Variants in ZMYM2 observed in about 807,000 individuals in gnomAD.
The protein encoded by ZMYM2 is zinc finger MYM-type protein 2.
ZMYM2 carries 56 observed loss-of-function variants against 162.8 expected under a neutral mutation model. The observed-to-expected ratio is 0.34, with a 90% confidence interval of 0.28 to 0.43. The LOEUF is 0.43. Among genes scored for constraint, ZMYM2 ranks in the 20% least tolerant of loss-of-function variants. The probability of loss-of-function intolerance (pLI) is 1.00; values close to 1 mark genes in which losing one functional copy is unlikely to be tolerated. For missense variants in ZMYM2, 1,275 were observed against 1,621.8 expected, an observed-to-expected ratio of 0.79 and a Z score of 3.67; for synonymous variants, 510 against 541.6, an observed-to-expected ratio of 0.94 and a Z score of 0.81.
chr13:20,052,402 A>C, intron 14 of ZMYM2, 91 bp downstream of exon 14: 1 of 1,286,884 alleles, frequency 7.8e-7, no homozygotes, highest in Non-Finnish European at 1.1e-6. Context: ...CATAATAGTA[A>C]TTTTTTTGGT....
At chr13:20,066,625 G>C (rs1221571895) in intron 19 of ZMYM2, 1 of 377,498 alleles carries the variant, frequency 2.6e-6, no homozygotes, top group Non-Finnish European at 4.7e-6. Context: ...AGGAAGAGGA[G>C]AGAGGTTGAT....
At chr13:19,970,872 C>T (rs1049343612) in intron 2 of ZMYM2, among the ~76,000 whole-genome samples, 2 of 151,938 alleles carry the variant, frequency 1.3e-5, no homozygotes, top group African/African-American at 2.4e-5. Context: ...TTGAGACCAG[C>T]GATGGATTAG....
At chr13:19,967,379 T>C (rs867704092) in intron 2 of ZMYM2, among the ~76,000 whole-genome samples, 5 of 152,032 alleles carry the variant, frequency 3.3e-5, no homozygotes, top group South Asian at 2.1e-4. Context: ...CGACTTAATT[T>C]TGCAGATTTT....
the ZMYM2 span, among the ~76,000 whole-genome samples, chr13:19,910,534 C>CTTTTTTTT: frequency 2.8e-4 from 42 of 147,702 alleles, no homozygotes; most frequent in African/African-American, 1.0e-3. Flanking sequence ...CTCTCTCTCT[C>CTTTTTTTT]TTTTTTTTTT....
At chr13:19,948,886 A>G in the ZMYM2 span, among the ~76,000 whole-genome samples, 1 of 152,226 alleles carries the variant, frequency 6.6e-6, no homozygotes, top group Admixed American at 6.5e-5. Context: ...TTATCCTTAC[A>G]TGCAAGGGTT....
intron 21 of ZMYM2, among the ~76,000 whole-genome samples, chr13:20,071,375 G>A (rs887501415): frequency 1.3e-5 from 2 of 152,232 alleles, no homozygotes; most frequent in East Asian, 1.9e-4. Context: ...ACGAAGCAGC[G>A]AAAGCAGAAA....
rs370355968 is a variant in ZMYM2, at chr13:19,981,302, CAAA to C, written c.-10-11752_-10-11750del. On this transcript the variant is annotated intron_variant, in intron 2 of 24. Coordinates refer to ENST00000610343, the MANE Select transcript of ZMYM2 (RefSeq NM_197968.4). Reference sequence around the variant, plus strand: ...ACAGAAAAAACAAAAAACAAACAAACAAAAAAAAAAACAAAAAACAAACCCCAA... The same window carrying C: ...ACAGAAAAAACAAAAAACAAACAAACAAAAAAAACAAAAAACAAACCCCAA... 3.2e-3 allele frequency among the ~76,000 whole-genome samples: 394 copies of C among 123,892 alleles called. 2 individuals are homozygous for C. The highest frequency in any genetic ancestry group is 0.014 in the African/African-American group (344 of 25,360). The allele number at this position is 123,892 out of a possible 152,430, so 81.3% of individuals were successfully genotyped here.
the ZMYM2 span, among the ~76,000 whole-genome samples, chr13:19,914,759 C>T: frequency 6.6e-6 from 1 of 152,112 alleles, no homozygotes; most frequent in African/African-American, 2.4e-5. Flanking sequence ...GTGATGGGTC[C>T]CTAATCATGG....
At chr13:19,899,546 G>A in the ZMYM2 span, among the ~76,000 whole-genome samples, 3 of 152,032 alleles carry the variant, frequency 2.0e-5, no homozygotes, top group African/African-American at 7.2e-5. Flanking sequence ...GGCTGGGCTC[G>A]GTGACTCATG....
chr13:19,931,912 A>C, the ZMYM2 span, among the ~76,000 whole-genome samples: 6 of 152,234 alleles, frequency 3.9e-5, no homozygotes, highest in Non-Finnish European at 7.3e-5. Context: ...GTCGTAAGCC[A>C]CTACACCCAG....
chr13:19,885,248 T>G, the ZMYM2 span, among the ~76,000 whole-genome samples: 1 of 152,176 alleles, frequency 6.6e-6, no homozygotes, highest in African/African-American at 2.4e-5. Context: ...CATTCCATCC[T>G]GGGCCACGGA....
chr13:19,989,964 G>A (rs958474676), intron 2 of ZMYM2, among the ~76,000 whole-genome samples: 6 of 151,870 alleles, frequency 4.0e-5, no homozygotes, highest in African/African-American at 1.5e-4. Flanking sequence ...CCCTTTTTCA[G>A]CCACTGTCAT....
chr13:19,962,691 A>AT (rs1326311154), intron 2 of ZMYM2, among the ~76,000 whole-genome samples: 1 of 149,014 alleles, frequency 6.7e-6, no homozygotes, highest in Non-Finnish European at 1.5e-5. Context: ...TGCCTGACCA[A>AT]TTTTGTATTT....
intron 12 of ZMYM2, among the ~76,000 whole-genome samples, chr13:20,047,259 G>C (rs1954910097): frequency 6.6e-6 from 1 of 152,166 alleles, no homozygotes; most frequent in Non-Finnish European, 1.5e-5. Context: ...ACTTGAGTCA[G>C]ACTGTATTTT....
At chr13:20,002,047 A>C (rs920860056) in intron 3 of ZMYM2, among the ~76,000 whole-genome samples, 6 of 152,178 alleles carry the variant, frequency 3.9e-5, no homozygotes, top group Admixed American at 1.3e-4. Flanking sequence ...GCCTGTATAC[A>C]TTGGTTTAAT....
intron 2 of ZMYM2, among the ~76,000 whole-genome samples, chr13:19,985,919 G>C (rs535199396): frequency 2.0e-5 from 3 of 151,706 alleles, no homozygotes; most frequent in Non-Finnish European, 4.4e-5. Context: ...GTGTGATAAC[G>C]TGCGCCTATA....
the ZMYM2 span, among the ~76,000 whole-genome samples, chr13:19,934,195 C>T: frequency 6.6e-6 from 1 of 152,144 alleles, no homozygotes; most frequent in Admixed American, 6.6e-5. Flanking sequence ...TAGTCTCGAT[C>T]TCTTGCCCAG....
chr13:19,941,720 C>CTTT, the ZMYM2 span, among the ~76,000 whole-genome samples: 4,021 of 62,686 alleles, frequency 0.064, 119 homozygotes, highest in East Asian at 0.096. Flanking sequence ...TGGCTTTCTG[C>CTTT]TTTTTTTTTT....
chr13:19,866,548 C>T, the ZMYM2 span, among the ~76,000 whole-genome samples: 5 of 152,192 alleles, frequency 3.3e-5, no homozygotes, highest in Non-Finnish European at 7.4e-5. Context: ...GCCTGTAATT[C>T]CAGATACTCG....
Sources: gnomAD v4.1 joint callset for allele counts (sites outside exome capture counted in the v4.1 genomes callset) on GRCh38, gnomAD v4.1.1 for gene constraint, MANE v1.5 for transcripts, NCBI Gene and HGNC (gene_info 2026-07-23, HGNC 2026-07-21) for gene names.